Variants in LSAMP observed in about 807,000 individuals in gnomAD.
The protein encoded by LSAMP is limbic system-associated membrane protein.
In LSAMP, 7 loss-of-function variants were observed where a neutral mutation model predicts 38.6. That is an observed-to-expected ratio of 0.18 (90% CI 0.10 to 0.34). The LOEUF (loss-of-function observed/expected upper bound fraction) is 0.34, where lower values mean the gene tolerates loss of function less well. Ranked by LOEUF, LSAMP falls within the 10% of genes least tolerant of loss-of-function variation. The pLI is 1.00. For synonymous variants in LSAMP, 154 were observed against 166.8 expected (o/e 0.92, Z 0.59); for missense variants, 313 against 420.0 (o/e 0.75, Z 2.23).
chr3:116,111,353 C>G (rs17697994), intron 1 of LSAMP, among the ~76,000 whole-genome samples: 1 of 152,056 alleles, frequency 6.6e-6, no homozygotes, highest in Non-Finnish European at 1.5e-5. Context: ...CTTTGATCGA[C>G]AGTAAGTTTT....
intron 3 of LSAMP, among the ~76,000 whole-genome samples, chr3:115,930,720 T>C (rs1223466835): frequency 6.6e-6 from 1 of 152,142 alleles, no homozygotes; most frequent in African/African-American, 2.4e-5. Context: ...TCGTTAGTGG[T>C]CAAATGCTAA....
At chr3:115,824,705 G>A (rs375295120) in intron 6 of LSAMP, among the ~76,000 whole-genome samples, 6 of 140,474 alleles carry the variant, frequency 4.3e-5, no homozygotes, top group East Asian at 2.1e-4. Context: ...GCGAGACTCC[G>A]TCTTAAAAAA....
At chr3:116,275,549 T>C (rs2047039211) in intron 1 of LSAMP, among the ~76,000 whole-genome samples, 1 of 146,190 alleles carries the variant, frequency 6.8e-6, no homozygotes, top group African/African-American at 2.4e-5. Flanking sequence ...TAGAAAAAAA[T>C]CACAGAATTT....
intron 3 of LSAMP, among the ~76,000 whole-genome samples, chr3:115,984,226 A>T (rs970056218): frequency 4.1e-5 from 6 of 147,472 alleles, no homozygotes; most frequent in African/African-American, 1.6e-4. Flanking sequence ...TCACAAAGAA[A>T]AAAAAAATCA....
At chr3:116,029,435 A>T (rs1336302488) in intron 2 of LSAMP, among the ~76,000 whole-genome samples, 1 of 152,100 alleles carries the variant, frequency 6.6e-6, no homozygotes, top group Non-Finnish European at 1.5e-5. Context: ...ACTCATTATA[A>T]GTATCAGTTA....
At chr3:116,297,427 A>ATGAT (rs951888863) in intron 1 of LSAMP, among the ~76,000 whole-genome samples, 2 of 152,154 alleles carry the variant, frequency 1.3e-5, no homozygotes, top group African/African-American at 4.8e-5. Flanking sequence ...AAAATACTGT[A>ATGAT]TGATTATTTA....
intron 1 of LSAMP, among the ~76,000 whole-genome samples, chr3:116,204,760 T>C (rs1418890285): frequency 6.6e-6 from 1 of 151,302 alleles, no homozygotes; most frequent in African/African-American, 2.4e-5. Context: ...CATTGATCTA[T>C]CTCTCTGTTT....
intron 1 of LSAMP, among the ~76,000 whole-genome samples, chr3:116,208,148 A>C (rs2046096635): frequency 6.6e-6 from 1 of 151,478 alleles, no homozygotes; most frequent in South Asian, 2.1e-4. Context: ...CATTTCATTC[A>C]TTTCATCTTC....
chr3:116,085,533 T>C (rs1318259732), intron 2 of LSAMP, among the ~76,000 whole-genome samples: 1 of 152,248 alleles, frequency 6.6e-6, no homozygotes, highest in East Asian at 1.9e-4. Context: ...CTTAGATCTT[T>C]CCTGATAGAT....
At chr3:115,854,245 G>A (rs1019044781) in intron 3 of LSAMP, among the ~76,000 whole-genome samples, 59 of 143,190 alleles carry the variant, frequency 4.1e-4, no homozygotes, top group Non-Finnish European at 7.5e-4. Flanking sequence ...ATAGCATATA[G>A]TTAAATATTA....
At chr3:115,854,418 G>T (rs1234424741) in intron 3 of LSAMP, among the ~76,000 whole-genome samples, 1 of 150,564 alleles carries the variant, frequency 6.6e-6, no homozygotes, top group Non-Finnish European at 1.5e-5. Context: ...GAGTAGCTGG[G>T]ACTACAGGCG....
At chr3:116,160,292 G>T (rs923013992) in intron 1 of LSAMP, among the ~76,000 whole-genome samples, 1 of 151,994 alleles carries the variant, frequency 6.6e-6, no homozygotes, top group African/African-American at 2.4e-5. Context: ...CCAGCTACTT[G>T]GGAGGCTGAG....
chr3:115,932,169 T>G (rs1337857024), intron 3 of LSAMP, among the ~76,000 whole-genome samples: 2 of 152,218 alleles, frequency 1.3e-5, no homozygotes, highest in Non-Finnish European at 2.9e-5. Context: ...ATTTATTACA[T>G]TATTTTAAAC....
At chr3:116,323,464 C>T (rs2047732232) in intron 1 of LSAMP, among the ~76,000 whole-genome samples, 1 of 152,114 alleles carries the variant, frequency 6.6e-6, no homozygotes, top group South Asian at 2.1e-4. Flanking sequence ...CAGAGCAAAT[C>T]TCTTTGACCC....
At chr3:115,906,468 G>C (rs893374937) in intron 3 of LSAMP, among the ~76,000 whole-genome samples, 18 of 152,066 alleles carry the variant, frequency 1.2e-4, no homozygotes, top group African/African-American at 4.1e-4. Context: ...TTGTTATCAT[G>C]GTTATTGCAA....
intron 1 of LSAMP, among the ~76,000 whole-genome samples, chr3:116,314,249 C>A (rs1207526989): frequency 3.3e-5 from 5 of 152,156 alleles, no homozygotes; most frequent in African/African-American, 9.7e-5. Flanking sequence ...AATTTTCTTA[C>A]CCTCTCTATA....
chr3:116,371,659 C>T (rs908567141), intron 1 of LSAMP, among the ~76,000 whole-genome samples: 29 of 152,122 alleles, frequency 1.9e-4, no homozygotes, highest in South Asian at 2.1e-4. Context: ...CACTTCTATT[C>T]AACATAATAC....
chr3:116,201,207 C>T (rs2045982785), intron 1 of LSAMP, among the ~76,000 whole-genome samples: 1 of 152,132 alleles, frequency 6.6e-6, no homozygotes, highest in African/African-American at 2.4e-5. Context: ...CTAGCATGTG[C>T]CCATGTGCCC....
chr3:116,209,297 T>C (rs1300573025), intron 1 of LSAMP, among the ~76,000 whole-genome samples: 1 of 152,136 alleles, frequency 6.6e-6, no homozygotes, highest in African/African-American at 2.4e-5. Flanking sequence ...GCGCCCACTG[T>C]CTGACACTCC....
Sources: gnomAD v4.1 joint callset for allele counts (sites outside exome capture counted in the v4.1 genomes callset) on GRCh38, gnomAD v4.1.1 for gene constraint, MANE v1.5 for transcripts, NCBI Gene and HGNC (gene_info 2026-07-23, HGNC 2026-07-21) for gene names.